Variants in DNER observed in about 807,000 individuals in gnomAD.
DNER encodes delta/notch like EGF repeat containing.
A neutral mutation model predicts 78.2 loss-of-function variants in DNER; 33 were observed. That is an observed-to-expected ratio of 0.42 (90% confidence interval 0.32 to 0.56). The LOEUF (loss-of-function observed/expected upper bound fraction) is 0.56, where lower values mean the gene tolerates loss of function less well. DNER is among the 20% of genes least tolerant of loss of function. The pLI is 0.11. For missense variants in DNER, 918 were observed against 975.3 expected, an observed-to-expected ratio of 0.94 and a Z score of 0.78; for synonymous variants, 417 against 384.8, an observed-to-expected ratio of 1.08 and a Z score of -0.98.
chr2:229,614,059 G>A lies in DNER; in HGVS notation c.277-22171C>T, dbSNP rs189827500. On this transcript the variant is annotated intron_variant, in intron 1 of 12. Coordinates refer to ENST00000341772, the MANE Select transcript of DNER (RefSeq NM_139072.4). ...GGGGGAGCGGGGAGGGATAGCATTA[G>A]GAGATATACCTAATGCTAAATGACG... 1.1e-3 allele frequency among the ~76,000 whole-genome samples: 170 copies of A among 151,462 alleles called. 1 individual carries two copies. The highest frequency in any genetic ancestry group is 0.011 in the East Asian group (55 of 5,134).
chr2:229,709,292 A>G (rs1329470211), intron 1 of DNER, among the ~76,000 whole-genome samples: 1 of 152,218 alleles, frequency 6.6e-6, no homozygotes, highest in African/African-American at 2.4e-5. Flanking sequence ...CATCATTTCT[A>G]TAAAGAAAAC....
chr2:229,413,099 G>A (rs578143281), intron 9 of DNER, among the ~76,000 whole-genome samples: 2 of 151,872 alleles, frequency 1.3e-5, no homozygotes, highest in Non-Finnish European at 2.9e-5. Context: ...TTCTAGAAGG[G>A]CTTATTTGAA....
chr2:229,473,937 GCT>G lies in DNER; in HGVS notation c.1261+3201_1261+3202del, dbSNP rs200221010. Among the ~76,000 whole-genome samples, 941 of 152,060 alleles carry G rather than the reference GCT, an allele frequency of 6.2e-3. 19 individuals are homozygous for G. The highest frequency in any genetic ancestry group is 0.036 in the Admixed American group (549 of 15,280). On this transcript the variant is annotated intron_variant, in intron 7 of 12. Coordinates refer to ENST00000341772, the MANE Select transcript of DNER (RefSeq NM_139072.4). ...TATTTTCTTTTTGAGACAGGATCTT[GCT>G]CTGTTACCCAGGCTGGAGTACAGTG...
intron 5 of DNER, among the ~76,000 whole-genome samples, chr2:229,521,798 A>T (rs1433903172): frequency 6.6e-6 from 1 of 152,216 alleles, no homozygotes; most frequent in Non-Finnish European, 1.5e-5. Flanking sequence ...AGCCACAGAG[A>T]CAAACTGTTG....
At chr2:229,476,651 AT>A (rs773403891) in intron 7 of DNER, among the ~76,000 whole-genome samples, 9 of 152,184 alleles carry the variant, frequency 5.9e-5, no homozygotes, top group Non-Finnish European at 1.2e-4. Flanking sequence ...GATAGCTGTG[AT>A]TATCTGCCTG....
At chr2:229,419,782 C>T (rs879823568) in intron 8 of DNER, among the ~76,000 whole-genome samples, 8 of 151,464 alleles carry the variant, frequency 5.3e-5, no homozygotes, top group Non-Finnish European at 1.0e-4. Context: ...TTTCTATTAC[C>T]CTTCATTAGA....
chr2:229,688,588 A>G (rs1699522519), intron 1 of DNER, among the ~76,000 whole-genome samples: 1 of 152,176 alleles, frequency 6.6e-6, no homozygotes, highest in African/African-American at 2.4e-5. Context: ...AGCAGGGTGA[A>G]CCCTTCATGA....
chr2:229,608,466 GA>G, intron 1 of DNER, among the ~76,000 whole-genome samples: 1 of 152,286 alleles, frequency 6.6e-6, no homozygotes, highest in African/African-American at 2.4e-5. Flanking sequence ...CATCAAGATA[GA>G]AAAGAATCTC....
rs540168840 is a variant in DNER at position 229,595,557 on chromosome 2, T to C, written c.277-3669A>G. Among the ~76,000 whole-genome samples, 5 of 152,270 alleles carry C rather than the reference T, an allele frequency of 3.3e-5. No homozygotes were observed. The East Asian group carries it at 9.7e-4, about 29-fold the overall frequency. On this transcript the variant is annotated intron_variant, in intron 1 of 12. Coordinates refer to ENST00000341772, the MANE Select transcript of DNER (RefSeq NM_139072.4). Reference sequence around the variant, plus strand: ...TCGGCCTCCCAAAGTGCTGGGATTATAGACATGAGCCACTGTGCCCAGCCT... The same window carrying C: ...TCGGCCTCCCAAAGTGCTGGGATTACAGACATGAGCCACTGTGCCCAGCCT...
At chr2:229,555,945 C>A (rs150635749) in intron 4 of DNER, among the ~76,000 whole-genome samples, 2,210 of 152,238 alleles carry the variant, frequency 0.015, 54 homozygotes, top group African/African-American at 0.05. Flanking sequence ...AAGTATTTTT[C>A]ATACCTTTGC....
At chr2:229,387,507 GAGAGAAAGAAAGAAAGAAAGAAAGAA>G (rs1692902153) in intron 11 of DNER, among the ~76,000 whole-genome samples, 23 of 96,444 alleles carry the variant, frequency 2.4e-4, no homozygotes, top group Admixed American at 1.4e-3. Context: ...AAGAAAGAAA[GAGAGAAAGAAAGAAAGAAAGAAAGAA>G]AGAAAGAAAG....
rs554764032 is a variant in DNER, at chr2:229,546,203, T to G, written c.993+744A>C. On this transcript the variant is annotated intron_variant, in intron 5 of 12. Transcript: ENST00000341772. ...AGCAAATGCACCTGTTTTCTTCCCT[T>G]CCACTCTTGCTAATGTATACAGTGC... 1.4e-3 allele frequency among the ~76,000 whole-genome samples: 213 copies of G among 152,328 alleles called. 2 individuals carry two copies. Among genetic ancestry groups the G allele is most frequent in the African/African-American group, 5.0e-3 (206 of 41,582 alleles).
rs537386605 is a variant in DNER, at chr2:229,503,377, C to A, written c.1147+9406G>T. On this transcript the variant is annotated intron_variant, in intron 6 of 12. Transcript: ENST00000341772. ...GTCTGGACCAGCAGAGTGGCCAAAC[C>A]TAATGTCCCTTCCAGAGGTGGAAAA... is the stretch of plus-strand genomic sequence containing the variant. Among the ~76,000 whole-genome samples, 4 of 152,312 alleles carry A rather than the reference C, an allele frequency of 2.6e-5. No homozygotes were observed. In the East Asian group the frequency reaches 7.7e-4, roughly 29 times the overall value.
chr2:229,560,171 T>C (rs577573740), intron 4 of DNER, among the ~76,000 whole-genome samples: 1 of 152,362 alleles, frequency 6.6e-6, no homozygotes, highest in South Asian at 2.1e-4. Context: ...AAATGGACTT[T>C]GTAGTTAACA....
chr2:229,434,890 T>C (rs1445717976), intron 8 of DNER, among the ~76,000 whole-genome samples: 1 of 146,944 alleles, frequency 6.8e-6, no homozygotes, highest in Non-Finnish European at 1.5e-5. Flanking sequence ...CAAATCTGCT[T>C]ACATATATAG....
At chr2:229,541,859 T>C (rs1696520358) in intron 5 of DNER, among the ~76,000 whole-genome samples, 1 of 145,322 alleles carries the variant, frequency 6.9e-6, no homozygotes, top group African/African-American at 2.5e-5. Context: ...TATGTGATTA[T>C]ATATAATTTA....
chr2:229,676,892 T>C (rs1388557255), intron 1 of DNER, among the ~76,000 whole-genome samples: 2 of 152,170 alleles, frequency 1.3e-5, no homozygotes, highest in Non-Finnish European at 2.9e-5. Context: ...AGCCTGCAGA[T>C]ACATCTGTTC....
At chr2:229,501,491 T>A (rs1440284629) in intron 6 of DNER, among the ~76,000 whole-genome samples, 1 of 151,826 alleles carries the variant, frequency 6.6e-6, no homozygotes, top group African/African-American at 2.4e-5. Context: ...TGTCAAAAAA[T>A]TTAACAAATT....
intron 1 of DNER, among the ~76,000 whole-genome samples, chr2:229,641,930 C>T (rs1022189235): frequency 1.3e-5 from 2 of 152,104 alleles, no homozygotes; most frequent in Non-Finnish European, 2.9e-5. Flanking sequence ...TCTGGCCAAC[C>T]TTCCACATTC....
Sources: allele counts gnomAD v4.1 joint callset (sites outside exome capture counted in the v4.1 genomes callset), GRCh38; gene constraint gnomAD v4.1.1; transcripts MANE v1.5; gene names NCBI Gene and HGNC (gene_info 2026-07-23, HGNC 2026-07-21).